The following FAM246A variants were observed in gnomAD, a reference collection of about 807,000 sequenced individuals.
FAM246A encodes the protein family with sequence similarity 246 member A.
At chr22:21,360,809 C>G (rs1286050491) in exon 1 of FAM246A, among the ~76,000 whole-genome samples, 4 of 142,944 alleles carry the variant, frequency 2.8e-5, no homozygotes, top group African/African-American at 1.0e-4. Flanking sequence ...GCGGGGCTCG[C>G]GGCGGGCAGG....
chr22:21,361,254 T>TGTAC lies in FAM246A; in HGVS notation c.42_45dup (p.Arg16ValfsTer122), dbSNP rs1921855163. ...ACGCGCCGCAGCACCTCGCTGGCTC[T>TGTAC]GTACGCACTACGCGCCTGGGCCCAC... On this transcript the variant is annotated frameshift_variant, in exon 1 of 1. Coordinates refer to ENST00000652479, the Ensembl canonical transcript of FAM246A. LOFTEE classifies it high-confidence loss of function. Among the ~76,000 whole-genome samples the TGTAC allele has an allele frequency of 6.7e-6, 1 of 149,772 alleles. No individual in the cohort carries two copies. Among genetic ancestry groups the TGTAC allele is most frequent in the Admixed American group, 6.6e-5 (1 of 15,160 alleles).
downstream of FAM246A, among the ~76,000 whole-genome samples, chr22:21,360,592 C>T (rs1434521039): frequency 1.4e-5 from 2 of 140,024 alleles, no homozygotes; most frequent in East Asian, 4.3e-4. Context: ...TGCCCTTGTG[C>T]GGCCGCCCTC....
At chr22:21,360,606 C>T (rs1921831045) in exon 1 of FAM246A, among the ~76,000 whole-genome samples, 1 of 141,766 alleles carries the variant, frequency 7.1e-6, no homozygotes. Flanking sequence ...CGCCCTCAGT[C>T]CCCGCCACCT....
chr22:21,361,121 G>C (rs1459972195), exon 1 of FAM246A, among the ~76,000 whole-genome samples: 6 of 150,992 alleles, frequency 4.0e-5, no homozygotes, highest in Non-Finnish European at 4.4e-5. Context: ...CCGCGAAGCC[G>C]CTTCGGCCCG....
rs1370609131 is a variant in FAM246A at position 21,360,809 on chromosome 22, C to CGGCGGGCA, written c.483_490dup (p.Arg164LeufsTer26). ...GGCGCGGGGGACGGCGCGGGGCTCG[C>CGGCGGGCA]GGCGGGCAGGCGGGGACGGCGGCGG... is the stretch of plus-strand genomic sequence containing the variant. On this transcript the variant is annotated frameshift_variant, in exon 1 of 1. Coordinates refer to ENST00000652479, the Ensembl canonical transcript of FAM246A. LOFTEE classifies it high-confidence loss of function. 5.8e-4 allele frequency among the ~76,000 whole-genome samples: 83 copies of CGGCGGGCA among 143,024 alleles called. 3 individuals are homozygous for CGGCGGGCA. The East Asian group carries it at 0.018, about 31-fold the overall frequency. The allele number at this position is 143,024 out of a possible 152,430, so 93.8% of individuals were successfully genotyped here. A position where few individuals can be genotyped will look rare whatever the true frequency, so the allele number is the denominator to read the frequency against.
At chr22:21,361,135 C>G (rs1921850724) in exon 1 of FAM246A, among the ~76,000 whole-genome samples, 1 of 151,166 alleles carries the variant, frequency 6.6e-6, no homozygotes, top group African/African-American at 2.4e-5. Context: ...CGGCCCGGAG[C>G]TGGCCGAGCA....
chr22:21,360,825 ACGG>A (rs533321783), exon 1 of FAM246A, among the ~76,000 whole-genome samples: 8 of 140,286 alleles, frequency 5.7e-5, no homozygotes, highest in Non-Finnish European at 9.2e-5. Flanking sequence ...GCAGGCGGGG[ACGG>A]CGGCGGCGGC....
exon 1 of FAM246A, among the ~76,000 whole-genome samples, chr22:21,361,149 G>A (rs1921851341): frequency 1.3e-5 from 2 of 151,434 alleles, no homozygotes; most frequent in South Asian, 4.1e-4. Flanking sequence ...CCGAGCAGGC[G>A]AGCCAGCCGG....
chr22:21,361,171 G>A (rs1568930736), exon 1 of FAM246A, among the ~76,000 whole-genome samples: 2 of 151,558 alleles, frequency 1.3e-5, no homozygotes. Flanking sequence ...CCGGGGCTCG[G>A]GCGTCTTCCT....
At chr22:21,359,866 TGGCTGCCTGTG>T (rs1426539683), downstream of FAM246A, among the ~76,000 whole-genome samples, 3 of 114,182 alleles carry the variant, frequency 2.6e-5, no homozygotes, top group African/African-American at 1.2e-4. Context: ...TGTGTCCCGG[TGGCTGCCTGTG>T]GTCTGGCTAA....
exon 1 of FAM246A, among the ~76,000 whole-genome samples, chr22:21,360,649 G>T (rs1921832075): frequency 6.9e-6 from 1 of 145,400 alleles, no homozygotes; most frequent in Non-Finnish European, 1.5e-5. Context: ...GCATCTTCTT[G>T]TGGTTCTTCC....
exon 1 of FAM246A, among the ~76,000 whole-genome samples, chr22:21,361,149 G>T (rs1921851341): frequency 6.6e-6 from 1 of 151,434 alleles, no homozygotes; most frequent in Admixed American, 6.6e-5. Flanking sequence ...CCGAGCAGGC[G>T]AGCCAGCCGG....
chr22:21,361,221 G>A (rs941321890), exon 1 of FAM246A, among the ~76,000 whole-genome samples: 1 of 150,844 alleles, frequency 6.6e-6, no homozygotes, highest in East Asian at 2.0e-4. Flanking sequence ...TCCCGCCGGC[G>A]GCCCGTGACG....
chr22:21,360,850 G>C (rs1921841337), exon 1 of FAM246A, among the ~76,000 whole-genome samples: 1 of 143,578 alleles, frequency 7.0e-6, no homozygotes, highest in African/African-American at 2.6e-5. Flanking sequence ...GCAGCAGCGC[G>C]CGCAGAGCGT....
chr22:21,361,207 C>G (rs1480979273), exon 1 of FAM246A, among the ~76,000 whole-genome samples: 5 of 151,250 alleles, frequency 3.3e-5, no homozygotes, highest in Non-Finnish European at 7.4e-5. Flanking sequence ...ATTGCGGCCC[C>G]GGGTCCCGCC....
At chr22:21,361,239 G>A (rs1474253637) in exon 1 of FAM246A, among the ~76,000 whole-genome samples, 4 of 150,556 alleles carry the variant, frequency 2.7e-5, no homozygotes, top group African/African-American at 4.9e-5. Context: ...ACGCGCCGCA[G>A]CACCTCGCTG....
At chr22:21,360,766 G>A (rs1230585121) in exon 1 of FAM246A, among the ~76,000 whole-genome samples, 1 of 147,232 alleles carries the variant, frequency 6.8e-6, no homozygotes, top group African/African-American at 2.5e-5. Flanking sequence ...TCCGCAGCAG[G>A]GTCGGGCCGC....
rs1299465124 is a variant in FAM246A, at chr22:21,360,820, C to T, written c.480G>A (p.Pro160=). ...CGGCGCGGGGCTCGCGGCGGGCAGG[C>T]GGGGACGGCGGCGGCGGCGGCAGCA... Residue 160 remains proline, a synonymous_variant, in exon 1 of 1, where the codon CCG becomes CCA. Coordinates refer to ENST00000652479, the Ensembl canonical transcript of FAM246A. Among the ~76,000 whole-genome samples, 3 of 137,766 alleles carry T rather than the reference C, an allele frequency of 2.2e-5. 1 individual carries two copies. The highest frequency in any genetic ancestry group is 5.4e-5 in the African/African-American group (2 of 37,354). 90.4% of individuals were successfully genotyped at this position (137,766 alleles called of 152,430 possible).
exon 1 of FAM246A, among the ~76,000 whole-genome samples, chr22:21,361,191 C>G (rs1050406341): frequency 2.6e-5 from 4 of 151,498 alleles, no homozygotes; most frequent in African/African-American, 9.7e-5. Flanking sequence ...TGGCCCGGCC[C>G]ATTGGATTGC....
Sources: allele counts gnomAD v4.1 joint callset (sites outside exome capture counted in the v4.1 genomes callset), GRCh38; gene constraint gnomAD v4.1.1; transcripts MANE v1.5; gene names NCBI Gene and HGNC (gene_info 2026-07-23, HGNC 2026-07-21).